TNXB: variants seen among roughly 807,000 people sequenced by gnomAD.
TNXB encodes the protein tenascin-X.
Under a neutral mutation model 340.5 loss-of-function variants are expected in TNXB, and 183 were observed. The ratio of observed to expected loss-of-function variants is 0.54; its 90% CI spans 0.48 to 0.61. The LOEUF is 0.61. Among genes scored for constraint, TNXB ranks in the 20% least tolerant of loss-of-function variants. The pLI is 0.00. For missense variants in TNXB, 4,613 were observed against 5,446.4 expected (o/e 0.85, Z 4.82); for synonymous variants, 2,121 against 2,314.5 (o/e 0.92, Z 2.40).
Position 32,089,010 on chromosome 6 carries a change from T to C in TNXB, c.2554A>G (p.Thr852Ala). 1.2e-6 allele frequency: 2 copies of C among 1,610,828 alleles called. No homozygotes were observed. The highest frequency in any genetic ancestry group is 2.2e-5 in the South Asian group (2 of 90,438). ...CAGCCAAGCTCCAGTGTTGTCGGTG[T>C]CACAGCCACCACTCGGAGGTCCTGG... ...GPQDLRVVAV[T>A]PTTLELGWLR... is the part of the protein sequence containing the mutation. Residue 852 changes from threonine (T) to alanine (A), a missense_variant, in exon 6 of 44, where the codon ACA (threonine) becomes GCA (alanine). Physicochemically the swap from Thr to Ala is moderately conservative, Grantham distance 58 (BLOSUM62 0). Transcript: ENST00000644971. The surrounding 1 kb of genome is among the most constrained non-coding windows in gnomAD (Gnocchi z 6.2).
rs1156732611 is a variant in TNXB, at chr6:32,096,162, C to G, written c.1691G>C (p.Arg564Pro). ...CSTRSCPGGC[R>P]GRGQCLDGRC... ...CCCATCTAGGCACTGGCCGCGGCCT[C>G]GGCAGCCCCCGGGGCAGCTGCGCGT... Residue 564 changes from arginine (R) to proline (P), a missense_variant, in exon 3 of 44, where the codon CGA becomes CCA. This residue lies in a region of TNXB where 4,327 missense variants were observed against 4,859.4 expected (regional missense o/e 0.89). Coordinates refer to ENST00000644971, the MANE Select transcript of TNXB (RefSeq NM_001365276.2). 6.3e-7 allele frequency: 1 copy of G among 1,578,446 alleles called. No individual in the cohort carries two copies. The highest frequency in any genetic ancestry group is 1.4e-5 in the African/African-American group (1 of 73,970).
chr6:32,098,966 T>G (rs981162173), intron 1 of TNXB, among the ~76,000 whole-genome samples: 1 of 152,224 alleles, frequency 6.6e-6, no homozygotes, highest in African/African-American at 2.4e-5. Flanking sequence ...CCTGTTCCTG[T>G]TCTTCATGGC....
In TNXB at chr6:32,079,688, AC is replaced by A. The variant is rs1779327837; in HGVS notation, c.4043-324del. On this transcript the variant is annotated intron_variant, in intron 10 of 43. Coordinates refer to ENST00000644971, the MANE Select transcript of TNXB (RefSeq NM_001365276.2). The surrounding 1 kb of genome is among the most constrained non-coding windows in gnomAD (Gnocchi z 7.1). ...GAGGAGGGCAGTGAGGCCTCTTCCT[AC>A]CTGTGCCCTCCCCAGGGCACTCTGG... Among the ~76,000 whole-genome samples, 1 of 152,104 alleles carries A rather than the reference AC, an allele frequency of 6.6e-6. No individual in the cohort carries two copies. The highest frequency in any genetic ancestry group is 2.1e-4 in the South Asian group (1 of 4,832).
At chr6:32,104,745 C>T (rs1261987834) in intron 1 of TNXB, among the ~76,000 whole-genome samples, 2 of 152,104 alleles carry the variant, frequency 1.3e-5, no homozygotes, top group Non-Finnish European at 2.9e-5. Context: ...AAGCAATCCT[C>T]CCACCTCAGC....
chr6:32,085,788 C>T lies in TNXB; in HGVS notation c.3110G>A (p.Gly1037Asp). 1.3e-6 allele frequency: 2 copies of T among 1,576,982 alleles called. No individual in the cohort carries two copies. The highest frequency in any genetic ancestry group is 1.2e-5 in the South Asian group (1 of 84,528). Reference sequence around the variant, plus strand: ...GTAGATGATGGGGTCAGAGGGCTTGCCCCCAGGAGGGACCCCATGAAGTGA... The same window carrying T: ...GTAGATGATGGGGTCAGAGGGCTTGTCCCCAGGAGGGACCCCATGAAGTGA... The part of the protein sequence containing the change: ...ELSLHGVPPG[G>D]KPSDPIIYQG... Residue 1037 changes from glycine to aspartate, a missense_variant, in exon 7 of 44, where the codon GGC (glycine) becomes GAC (aspartate). By Grantham distance (94) the Gly-to-Asp change is moderately conservative. Around this residue, in one of 7 missense-constraint regions of TNXB, gnomAD observed 4,327 missense variants for 4,859.4 expected, o/e 0.89. Transcript: ENST00000644971. This position sits in a 1 kb window ranked among gnomAD's most constrained non-coding sequence, Gnocchi z 6.4.
chr6:32,062,069 C>T lies in TNXB; in HGVS notation c.7168+88G>A. The T allele has an allele frequency of 1.4e-6, 2 of 1,476,244 alleles. No homozygotes were observed. The highest frequency in any genetic ancestry group is 2.6e-5 in the South Asian group (2 of 75,582). 91.4% of individuals were successfully genotyped at this position (1,476,244 alleles called of 1,614,324 possible). A position where few individuals can be genotyped will look rare whatever the true frequency, so the allele number is the denominator to read the frequency against. On this transcript the variant is annotated intron_variant, in intron 20 of 43. Transcript: ENST00000644971. The surrounding 1 kb of genome is among the most constrained non-coding windows in gnomAD (Gnocchi z 4.3). ...AAGTAGGTCTGTGGTGCTGACCAGA[C>T]CCGTCCCATTCCCCACCAGTCATCA...
chr6:32,065,621 T>C (rs1404959796), intron 18 of TNXB, among the ~76,000 whole-genome samples: 1 of 152,154 alleles, frequency 6.6e-6, no homozygotes, highest in Middle Eastern at 3.4e-3. Context: ...ATTTTATTAT[T>C]TATTTATTTA....
chr6:32,048,734 A>G, intron 28 of TNXB, 84 bp from the exon 29 acceptor site: 1 of 1,290,406 alleles, frequency 7.7e-7, no homozygotes, highest in East Asian at 2.6e-5. Context: ...TGGAGTGAGC[A>G]TTTCTTAGCG....
intron 11 of TNXB, among the ~76,000 whole-genome samples, chr6:32,076,853 G>A (rs980626175): frequency 1.3e-5 from 2 of 151,980 alleles, no homozygotes; most frequent in Admixed American, 1.3e-4. Flanking sequence ...GTGGTGGTGG[G>A]CGCCTGTAAT....
chr6:32,056,576 A>G lies in TNXB; in HGVS notation c.8143+10T>C. ...CGGCTCCCACCCTGGGGCTGCCATCATCCACTCACCCGTCACCCCAATGAC... is the reference window on the plus strand; with the variant it reads ...CGGCTCCCACCCTGGGGCTGCCATCGTCCACTCACCCGTCACCCCAATGAC... On this transcript the variant is annotated intron_variant, in intron 23 of 43. Transcript: ENST00000644971. The G allele has an allele frequency of 6.2e-7, 1 of 1,612,300 alleles. No homozygotes were observed. The highest frequency in any genetic ancestry group is 8.5e-7 in the Non-Finnish European group (1 of 1,179,382).
In TNXB at chr6:32,088,881, G is replaced by A; in HGVS notation, c.2683C>T (p.Leu895=). The part of the protein sequence containing the change: ...EVPPEADGTL[L]TDLMPGVEYV... ...TCTACGCCTGGCATCAGGTCAGTCA[G>A]CAGCGTCCCGTCTGCTTCAGGGGGC... The change falls in exon 6 of 44, where the codon CTG becomes TTG. Residue 895 remains leucine, a synonymous_variant. Coordinates refer to ENST00000644971, the MANE Select transcript of TNXB (RefSeq NM_001365276.2). The A allele has an allele frequency of 6.3e-7, 1 of 1,587,026 alleles. No individual in the cohort carries two copies. Among genetic ancestry groups the A allele is most frequent in the Non-Finnish European group, 8.6e-7 (1 of 1,166,760 alleles).
chr6:32,072,042 A>G lies in TNXB; in HGVS notation c.4938T>C (p.Phe1646=), dbSNP rs759136053. Residue 1646 remains phenylalanine, a synonymous_variant, in exon 13 of 44, where the codon TTT becomes TTC. Transcript: ENST00000644971. The surrounding 1 kb of genome is among the most constrained non-coding windows in gnomAD (Gnocchi z 4.4). ...TGCGTCGTTTCCCATCCTGGATCCC[A>G]AAGAGCAGGAACTTGTACTTGCGGG... ...EPSRKYKFLL[F]GIQDGKRRSP... 15 of 1,609,986 alleles carry G rather than the reference A, an allele frequency of 9.3e-6. No homozygotes were observed. The East Asian group carries it at 3.3e-4, about 36-fold the overall frequency.
In TNXB at chr6:32,061,953, A is replaced by T. The variant is rs1778043008; in HGVS notation, c.7168+204T>A. Among the ~76,000 whole-genome samples the T allele has an allele frequency of 6.6e-6, 1 of 152,172 alleles. No individual in the cohort carries two copies. The highest frequency in any genetic ancestry group is 6.5e-5 in the Admixed American group (1 of 15,284). ...TGGGGGACCTGGCACAGCCACCAGC[A>T]CAGCAAAACTCCCAATGGCCCCTCC... On this transcript the variant is annotated intron_variant, in intron 20 of 43. Transcript: ENST00000644971. This position sits in a 1 kb window ranked among gnomAD's most constrained non-coding sequence, Gnocchi z 4.4.
rs764589468 is a variant in TNXB, at chr6:32,068,990, C to T, written c.5734G>A (p.Glu1912Lys). The T allele has an allele frequency of 1.5e-5, 24 of 1,612,836 alleles. No homozygotes were observed. Among genetic ancestry groups the T allele is most frequent in the East Asian group, 2.2e-5 (1 of 44,878 alleles). The change falls in exon 16 of 44, where the codon GAA becomes AAA. Residue 1912 changes from glutamate (E) to lysine (K), a missense_variant. Glu to Lys is a moderately conservative substitution (Grantham distance 56). Transcript: ENST00000644971. This position sits in a 1 kb window ranked among gnomAD's most constrained non-coding sequence, Gnocchi z 5.3. ...MVTEGEFDSF[E>K]IQYTDRDGQL... Reference sequence around the variant, plus strand: ...CCGTCTCTATCTGTGTACTGGATTTCGAAGGAGTCAAATTCTCCCTCAGTC... The same window carrying T: ...CCGTCTCTATCTGTGTACTGGATTTTGAAGGAGTCAAATTCTCCCTCAGTC...
chr6:32,095,465 C>A (rs1052450961), intron 3 of TNXB, 146 bp downstream of exon 3: 19 of 1,042,084 alleles, frequency 1.8e-5, no homozygotes, highest in Non-Finnish European at 2.5e-5. Context: ...AAAGCCCCAC[C>A]CCTGTGGTTC....
chr6:32,069,236 G>A lies in TNXB; in HGVS notation c.5588-100C>T. 8.3e-7 allele frequency: 1 copy of A among 1,205,872 alleles called. No homozygotes were observed. The highest frequency in any genetic ancestry group is 1.1e-6 in the Non-Finnish European group (1 of 880,644). 74.7% of individuals were successfully genotyped at this position (1,205,872 alleles called of 1,614,324 possible). A position where few individuals can be genotyped will look rare whatever the true frequency, so the allele number is the denominator to read the frequency against. ...GAGAGGGAGTGAGGGCAAGCAGTCAGCAATCGAAAGACCAGCTTTTGCTGC... is the reference window on the plus strand; with the variant it reads ...GAGAGGGAGTGAGGGCAAGCAGTCAACAATCGAAAGACCAGCTTTTGCTGC... On this transcript the variant is annotated intron_variant, in intron 15 of 43. Transcript: ENST00000644971. This position sits in a 1 kb window ranked among gnomAD's most constrained non-coding sequence, Gnocchi z 6.2.
Position 32,084,164 on chromosome 6 carries a change from C to T in TNXB, c.3445+249G>A, listed in dbSNP as rs1779632741. Among the ~76,000 whole-genome samples, 1 of 152,172 alleles carries T rather than the reference C, an allele frequency of 6.6e-6. No individual in the cohort carries two copies. The highest frequency in any genetic ancestry group is 1.5e-5 in the Non-Finnish European group (1 of 68,026). ...ACCCCCCACATGCCCTGTTCTCCAG[C>T]CAGAGGAAACTGTAACAGTGATTCT... On this transcript the variant is annotated intron_variant, in intron 8 of 43. Coordinates refer to ENST00000644971, the MANE Select transcript of TNXB (RefSeq NM_001365276.2). The surrounding 1 kb of genome is among the most constrained non-coding windows in gnomAD (Gnocchi z 5.5).
At position 32,083,783 on chromosome 6, in the gene TNXB, C is replaced by T. The variant is rs1372269365; in HGVS notation, c.3445+630G>A. Among the ~76,000 whole-genome samples the T allele has an allele frequency of 6.6e-6, 1 of 152,174 alleles. No individual in the cohort carries two copies. Among genetic ancestry groups the T allele is most frequent in the Non-Finnish European group, 1.5e-5 (1 of 68,028 alleles). ...CAAGCGATCCTCCCACCTCAAGCCTCTCAAGTAGCTGGGACTACAGGCACG... is the reference window on the plus strand; with the variant it reads ...CAAGCGATCCTCCCACCTCAAGCCTTTCAAGTAGCTGGGACTACAGGCACG... On this transcript the variant is annotated intron_variant, in intron 8 of 43. Coordinates refer to ENST00000644971, the MANE Select transcript of TNXB (RefSeq NM_001365276.2). The surrounding 1 kb of genome is among the most constrained non-coding windows in gnomAD (Gnocchi z 4.6).
In TNXB at chr6:32,069,888, GGCTGA is replaced by G. The variant is rs1582410067; in HGVS notation, c.5279-32_5279-28del. On this transcript the variant is annotated intron_variant, in intron 14 of 43. Transcript: ENST00000644971. The surrounding 1 kb of genome is among the most constrained non-coding windows in gnomAD (Gnocchi z 6.2). ...TGAGATGGAGACACGGAGAGGAAAC[GGCTGA>G]GCTGTTTCTGGAAGACTGGGTGACC... 1 of 1,558,280 alleles carries G rather than the reference GGCTGA, an allele frequency of 6.4e-7. No individual in the cohort carries two copies.
Sources: allele counts gnomAD v4.1 joint callset (sites outside exome capture counted in the v4.1 genomes callset), GRCh38; gene constraint gnomAD v4.1.1; regional missense constraint gnomAD v4.1.1; non-coding constraint Gnocchi (gnomAD v3.1); transcripts MANE v1.5; gene names NCBI Gene and HGNC (gene_info 2026-07-23, HGNC 2026-07-21).